Variants in PWWP2A observed in about 807,000 individuals in gnomAD.
PWWP2A encodes PWWP domain containing 2A.
A neutral mutation model predicts 48.5 loss-of-function variants in PWWP2A; 18 were observed. The ratio of observed to expected loss-of-function variants is 0.37; its 90% CI spans 0.26 to 0.55. The LOEUF is 0.55. PWWP2A is among the 20% of genes least tolerant of loss of function. The pLI is 0.81. For missense variants in PWWP2A, 867 were observed against 976.4 expected (o/e 0.89, Z 1.49); for synonymous variants, 396 against 387.7 (o/e 1.02, Z -0.25).
chr5:160,114,884 T>C (rs1231917672), intron 1 of PWWP2A, among the ~76,000 whole-genome samples: 1 of 151,356 alleles, frequency 6.6e-6, no homozygotes, highest in African/African-American at 2.4e-5. Flanking sequence ...CTCACGCCTA[T>C]AATCCCAGCA....
the PWWP2A span, among the ~76,000 whole-genome samples, chr5:160,047,552 C>A: frequency 6.6e-6 from 1 of 152,200 alleles, no homozygotes; most frequent in East Asian, 1.9e-4. Context: ...CCCCACCCGC[C>A]AACACTACAG....
chr5:160,059,986 A>G (rs184408443), downstream of PWWP2A, among the ~76,000 whole-genome samples: 9 of 152,340 alleles, frequency 5.9e-5, no homozygotes, highest in East Asian at 9.6e-4. Context: ...GCACAACAAA[A>G]TAAAGTCTGC....
At chr5:160,109,092 T>G (rs777488197) in intron 1 of PWWP2A, among the ~76,000 whole-genome samples, 7 of 152,192 alleles carry the variant, frequency 4.6e-5, no homozygotes. Context: ...CAAGCAATTC[T>G]CGTGCCTCAG....
At position 160,077,896 on chromosome 5, in the gene PWWP2A, C is replaced by A; in HGVS notation, c.*259G>T. Reference sequence around the variant, plus strand: ...TATATAAAATTCAAGTGAGTTCTTACGTGTGTAATTCACATCATTTTTCTC... The same window carrying A: ...TATATAAAATTCAAGTGAGTTCTTAAGTGTGTAATTCACATCATTTTTCTC... On this transcript the variant is annotated 3_prime_UTR_variant, in exon 4 of 4. Transcript: ENST00000456329. The surrounding 1 kb of genome is among the most constrained non-coding windows in gnomAD (Gnocchi z 4.2). The A allele has an allele frequency of 2.3e-6, 1 of 426,908 alleles. No homozygotes were observed. 26.4% of individuals were successfully genotyped at this position (426,908 alleles called of 1,614,324 possible).
intron 1 of PWWP2A, among the ~76,000 whole-genome samples, chr5:160,095,322 C>A (rs1320919908): frequency 2.6e-5 from 4 of 152,068 alleles, no homozygotes; most frequent in African/African-American, 4.8e-5. Flanking sequence ...TTTCTAATAA[C>A]CTTATTTCAT....
chr5:160,093,731 T>C lies in PWWP2A; in HGVS notation c.919A>G (p.Thr307Ala). 1.2e-6 allele frequency: 2 copies of C among 1,614,034 alleles called. No homozygotes were observed. The highest frequency in any genetic ancestry group is 1.7e-6 in the Non-Finnish European group (2 of 1,179,904). The change falls in exon 2 of 2, where the codon ACT becomes GCT. Residue 307 changes from threonine to alanine, a missense_variant. Physicochemically the swap from Thr to Ala is moderately conservative, Grantham distance 58. Transcript: ENST00000307063. This position sits in a 1 kb window ranked among gnomAD's most constrained non-coding sequence, Gnocchi z 5.8. ...AGTTTAATAGCATTCATTATTGAAG[T>C]GGGTTCTTCCCTGTACATTTTTCGT... is the stretch of plus-strand genomic sequence containing the variant. ...PKRKMYREEPTSIMNAIKLRP... is the reference protein window; with the variant it reads ...PKRKMYREEPASIMNAIKLRP...
chr5:160,091,246 T>C (rs1456610149), downstream of PWWP2A: 2 of 976,860 alleles, frequency 2.0e-6, no homozygotes, highest in South Asian at 4.7e-5. Flanking sequence ...AAATAAAAGT[T>C]TGATTTTTCA....
At chr5:160,071,817 GT>G (rs1753745324), downstream of PWWP2A, among the ~76,000 whole-genome samples, 1 of 152,130 alleles carries the variant, frequency 6.6e-6, no homozygotes, top group South Asian at 2.1e-4. Flanking sequence ...CCTTCCTGTT[GT>G]TTTCTGTGAT....
In PWWP2A at chr5:160,077,648, A is replaced by T. The variant is rs555025458; in HGVS notation, c.*507T>A. The T allele has an allele frequency of 6.6e-6, 1 of 152,658 alleles. No homozygotes were observed. The highest frequency in any genetic ancestry group is 2.1e-4 in the South Asian group (1 of 4,842). 9.5% of individuals were successfully genotyped at this position (152,658 alleles called of 1,614,324 possible). On this transcript the variant is annotated 3_prime_UTR_variant, in exon 4 of 4. Coordinates refer to the PWWP2A transcript ENST00000456329. This position sits in a 1 kb window ranked among gnomAD's most constrained non-coding sequence, Gnocchi z 4.2. The stretch of plus-strand genomic sequence containing the variant: ...TGTTTCTACTGGCACCTTGAAGGAA[A>T]CATTGGCCTTGGCATATGTGACTAT...
chr5:160,090,998 C>G (rs1316429037), downstream of PWWP2A: 1 of 985,066 alleles, frequency 1.0e-6, no homozygotes, highest in Non-Finnish European at 1.2e-6. Context: ...GAAAACCAAA[C>G]AGAAGAGACC....
the PWWP2A span, among the ~76,000 whole-genome samples, chr5:160,050,960 A>C: frequency 7.3e-6 from 1 of 137,864 alleles, no homozygotes; most frequent in Admixed American, 7.5e-5. Context: ...AGCGCACCAC[A>C]AACATAAATA....
At chr5:160,055,457 C>T in the PWWP2A span, among the ~76,000 whole-genome samples, 4 of 152,194 alleles carry the variant, frequency 2.6e-5, no homozygotes, top group Non-Finnish European at 4.4e-5. Flanking sequence ...TTAATATAAG[C>T]TCTCTCATCA....
intron 1 of PWWP2A, among the ~76,000 whole-genome samples, chr5:160,109,774 A>ATATATAT (rs1284977515): frequency 5.6e-4 from 14 of 25,220 alleles, no homozygotes; most frequent in South Asian, 3.0e-3. Flanking sequence ...AAAAAAAAAA[A>ATATATAT]ATATATATAT....
intron 4 of PWWP2A, chr5:160,065,239 TC>T (rs1470185590): frequency 1.1e-6 from 1 of 918,460 alleles, no homozygotes. Flanking sequence ...GAAATGTACT[TC>T]CTGATGTAAT....
downstream of PWWP2A, among the ~76,000 whole-genome samples, chr5:160,086,974 TAA>T (rs1220511813): frequency 2.0e-5 from 3 of 152,212 alleles, no homozygotes; most frequent in Non-Finnish European, 2.9e-5. Flanking sequence ...TGCCTTGATA[TAA>T]AAGTTTATGT....
chr5:160,083,517 C>T lies in PWWP2A; in HGVS notation c.1550-2747G>A, dbSNP rs531124742. ...AAAACATTAAAATAGTAAAATGCTACGGTCCTAGGGAAGCACAGCATCTAT... is the reference window on the plus strand; with the variant it reads ...AAAACATTAAAATAGTAAAATGCTATGGTCCTAGGGAAGCACAGCATCTAT... On this transcript the variant is annotated intron_variant, in intron 2 of 3. Transcript: ENST00000456329. Among the ~76,000 whole-genome samples the T allele has an allele frequency of 3.9e-5, 6 of 152,292 alleles. No homozygotes were observed. The East Asian group carries it at 9.6e-4, about 24-fold the overall frequency.
At chr5:160,112,661 G>A (rs890557038) in intron 1 of PWWP2A, among the ~76,000 whole-genome samples, 1 of 151,792 alleles carries the variant, frequency 6.6e-6, no homozygotes, top group African/African-American at 2.4e-5. Context: ...TAACAAACCA[G>A]GGTAGTACAG....
downstream of PWWP2A, among the ~76,000 whole-genome samples, chr5:160,059,006 G>A (rs1333870843): frequency 2.0e-5 from 3 of 152,304 alleles, no homozygotes; most frequent in Admixed American, 2.0e-4. Context: ...AGGCAGAGTA[G>A]ATTTAGCATC....
chr5:160,060,225 A>C (rs565198574), downstream of PWWP2A, among the ~76,000 whole-genome samples: 5 of 152,336 alleles, frequency 3.3e-5, no homozygotes, highest in African/African-American at 1.2e-4. Context: ...GATCTTAAGG[A>C]GATGAAAACA....
Sources: allele counts gnomAD v4.1 joint callset (sites outside exome capture counted in the v4.1 genomes callset), GRCh38; gene constraint gnomAD v4.1.1; non-coding constraint Gnocchi (gnomAD v3.1); transcripts MANE v1.5; gene names NCBI Gene and HGNC (gene_info 2026-07-23, HGNC 2026-07-21).